The following EYS variants were observed in gnomAD, a reference collection of about 807,000 sequenced individuals.
The protein encoded by EYS is EGF-like photoreceptor maintenance factor.
In EYS, 250 loss-of-function variants were observed where a neutral mutation model predicts 282.1. The observed-to-expected ratio is 0.89, with a 90% CI of 0.80 to 0.98. The LOEUF (loss-of-function observed/expected upper bound fraction) is 0.98, where lower values mean the gene tolerates loss of function less well. EYS is among the 50% of genes least tolerant of loss of function. The pLI is 0.00. For synonymous variants in EYS, 1,355 were observed against 1,282.9 expected (o/e 1.06, Z -1.20); for missense variants, 4,016 against 3,709.0 (o/e 1.08, Z -2.15).
At chr6:64,687,588 T>A (rs571460037) in intron 22 of EYS, among the ~76,000 whole-genome samples, 1 of 152,336 alleles carries the variant, frequency 6.6e-6, no homozygotes, top group East Asian at 1.9e-4. Context: ...TTATGGTGGA[T>A]AAACTTTTTG....
intron 22 of EYS, among the ~76,000 whole-genome samples, chr6:64,642,807 C>T (rs1326309097): frequency 2.6e-5 from 4 of 152,120 alleles, no homozygotes; most frequent in African/African-American, 9.7e-5. Context: ...TGCTGTGCAC[C>T]CCTTCCTTTA....
At chr6:64,410,930 A>G (rs1304117066) in intron 28 of EYS, among the ~76,000 whole-genome samples, 1 of 152,136 alleles carries the variant, frequency 6.6e-6, no homozygotes, top group East Asian at 1.9e-4. Flanking sequence ...GATACTCAAA[A>G]TTTTTAGTTG....
intron 31 of EYS, among the ~76,000 whole-genome samples, chr6:64,218,982 G>A (rs1406702943): frequency 6.6e-6 from 1 of 152,126 alleles, no homozygotes; most frequent in Non-Finnish European, 1.5e-5. Context: ...ACTTCCCTGA[G>A]AGCTGCTAAA....
Position 63,814,429 on chromosome 6 carries a change from G to A in EYS, c.7229-8057C>T, listed in dbSNP as rs527744709. ...ACAGGTATAAACATGAAATAAATAT[G>A]ATTGGTTGGTTGCCAATTCCTGCTC... On this transcript the variant is annotated intron_variant, in intron 36 of 42. Transcript: ENST00000503581. Among the ~76,000 whole-genome samples the A allele has an allele frequency of 4.6e-5, 7 of 152,262 alleles. No homozygotes were observed. In the East Asian group the frequency reaches 7.7e-4, roughly 17 times the overall value.
At chr6:65,028,998 A>G (rs1772514675) in intron 13 of EYS, among the ~76,000 whole-genome samples, 1 of 152,148 alleles carries the variant, frequency 6.6e-6, no homozygotes, top group Non-Finnish European at 1.5e-5. Context: ...TTATTCAGTG[A>G]ATTATAATAC....
chr6:64,858,706 A>T (rs1315203293), intron 19 of EYS, among the ~76,000 whole-genome samples: 1 of 152,154 alleles, frequency 6.6e-6, no homozygotes, highest in African/African-American at 2.4e-5. Flanking sequence ...GCAGGATACC[A>T]ATTAAATAAA....
intron 36 of EYS, among the ~76,000 whole-genome samples, chr6:63,832,760 C>T (rs1027254733): frequency 2.6e-5 from 4 of 151,888 alleles, no homozygotes. Context: ...CGAGACACAA[C>T]AAAAAAAGAG....
At chr6:64,986,576 C>T (rs1770867758) in intron 14 of EYS, among the ~76,000 whole-genome samples, 1 of 150,770 alleles carries the variant, frequency 6.6e-6, no homozygotes, top group East Asian at 2.0e-4. Context: ...TATAATAATA[C>T]TTACTATGGT....
intron 2 of EYS, among the ~76,000 whole-genome samples, chr6:65,502,564 C>G (rs1766494272): frequency 6.6e-6 from 1 of 151,508 alleles, no homozygotes; most frequent in Non-Finnish European, 1.5e-5. Context: ...ATGAATTTTA[C>G]TTAATGTCAA....
At chr6:64,993,143 T>C (rs1001541094) in intron 14 of EYS, among the ~76,000 whole-genome samples, 2 of 152,048 alleles carry the variant, frequency 1.3e-5, no homozygotes, top group South Asian at 4.1e-4. Context: ...CCACCTCCAG[T>C]GTTTACTCAA....
chr6:64,058,074 G>GT (rs1467280571), intron 33 of EYS, among the ~76,000 whole-genome samples: 1 of 152,132 alleles, frequency 6.6e-6, no homozygotes, highest in Non-Finnish European at 1.5e-5. Context: ...GAGAGACCCA[G>GT]TGGGAGGGTT....
At chr6:63,859,771 G>A (rs1426515451) in intron 36 of EYS, among the ~76,000 whole-genome samples, 1 of 152,146 alleles carries the variant, frequency 6.6e-6, no homozygotes, top group African/African-American at 2.4e-5. Flanking sequence ...CATCTGCAGT[G>A]TTTGTTTGTC....
At chr6:63,823,612 C>T (rs574193873) in intron 36 of EYS, among the ~76,000 whole-genome samples, 2 of 152,162 alleles carry the variant, frequency 1.3e-5, no homozygotes, top group Middle Eastern at 6.8e-3. Context: ...TCTTTTTACT[C>T]TAATCATACC....
At chr6:64,075,099 C>T (rs756988267) in intron 32 of EYS, among the ~76,000 whole-genome samples, 50 of 152,050 alleles carry the variant, frequency 3.3e-4, no homozygotes, top group Admixed American at 7.2e-4. Context: ...TCTGTTGGAA[C>T]ACAGATGTTT....
chr6:64,696,899 T>A (rs959495849), intron 22 of EYS, among the ~76,000 whole-genome samples: 1 of 152,038 alleles, frequency 6.6e-6, no homozygotes, highest in East Asian at 1.9e-4. Context: ...CACAAAATTA[T>A]AAAACTTACA....
chr6:65,186,154 G>A (rs917034970), intron 12 of EYS, among the ~76,000 whole-genome samples: 1 of 151,616 alleles, frequency 6.6e-6, no homozygotes, highest in African/African-American at 2.4e-5. Flanking sequence ...GATTATTGGG[G>A]ATATATTAGA....
chr6:65,390,173 A>G (rs1021412412), intron 7 of EYS, among the ~76,000 whole-genome samples: 2 of 151,766 alleles, frequency 1.3e-5, no homozygotes, highest in African/African-American at 2.4e-5. Context: ...GAGAGGGGGA[A>G]ATTAGCAAAA....
intron 33 of EYS, among the ~76,000 whole-genome samples, chr6:64,045,685 GA>G (rs1272998321): frequency 6.6e-6 from 1 of 150,788 alleles, no homozygotes; most frequent in Non-Finnish European, 1.5e-5. Context: ...GACCTCAGAT[GA>G]TCTGCCCGCC....
intron 12 of EYS, among the ~76,000 whole-genome samples, chr6:65,232,016 C>T (rs1766795621): frequency 6.6e-6 from 1 of 151,848 alleles, no homozygotes; most frequent in African/African-American, 2.4e-5. Context: ...GTTTATATTT[C>T]TTTTTAAAAT....
Sources: gnomAD v4.1 joint callset for allele counts (sites outside exome capture counted in the v4.1 genomes callset) on GRCh38, gnomAD v4.1.1 for gene constraint, MANE v1.5 for transcripts, NCBI Gene and HGNC (gene_info 2026-07-23, HGNC 2026-07-21) for gene names.